Variants in MAP3K11 observed in about 807,000 individuals in gnomAD.
The protein encoded by MAP3K11 is mitogen-activated protein kinase kinase kinase 11.
In MAP3K11, 46 loss-of-function variants were observed where a neutral mutation model predicts 84.9. That is an observed-to-expected ratio of 0.54 (90% CI 0.43 to 0.69). The LOEUF (loss-of-function observed/expected upper bound fraction) is 0.69. Among genes scored for constraint, MAP3K11 ranks in the 30% least tolerant of loss-of-function variants. The pLI is 0.00. For synonymous variants in MAP3K11, 527 were observed against 514.7 expected, an observed-to-expected ratio of 1.02 and a Z score of -0.32; for missense variants, 1,053 against 1,198.3, an observed-to-expected ratio of 0.88 and a Z score of 1.79.
At position 65,613,391 on chromosome 11, in the gene MAP3K11, C is replaced by G. The variant is rs1938302769; in HGVS notation, c.366G>C (p.Val122=). The G allele has an allele frequency of 6.2e-7, 1 of 1,612,668 alleles. No individual in the cohort carries two copies. The highest frequency in any genetic ancestry group is 1.7e-5 in the Admixed American group (1 of 59,992). The change falls in exon 1 of 10, where the codon GTG becomes GTC. Residue 122 remains valine (V), a synonymous_variant. Transcript: ENST00000309100. ...CCTTGCCAAAGCCTCCAATGCCGAT[C>G]ACCTCCTCCAGCCGCAGCTCCTGGA... ...ASFQELRLEE[V]IGIGGFGKVY...
At chr11:65,608,130 GC>G (rs1337182954) in intron 2 of MAP3K11, 60 bp from the exon 3 acceptor site, 1 of 1,599,976 alleles carries the variant, frequency 6.3e-7, no homozygotes, top group African/African-American at 1.3e-5. Context: ...CCCCCTTACT[GC>G]CACTTCACCC....
In MAP3K11 at chr11:65,608,276, G is replaced by C. The variant is rs775906919; in HGVS notation, c.912C>G (p.Asp304Glu). 1 of 1,613,728 alleles carries C rather than the reference G, an allele frequency of 6.2e-7. No individual in the cohort carries two copies. ...CCCACCAAGGGCCGCACCTCCAGAC[G>C]TCACTGCCCTTAGAGAAGGTGGAGG... ...IKASTFSKGS[D>E]VWSFGVLLWE... The change falls in exon 2 of 10, where the codon GAC becomes GAG. Residue 304 changes from aspartate (D) to glutamate (E), a missense_variant. Asp to Glu is a conservative substitution (Grantham distance 45). This residue lies in a region of MAP3K11 where 310 missense variants were observed against 464.5 expected (regional missense o/e 0.67). Coordinates refer to ENST00000309100, the MANE Select transcript of MAP3K11 (RefSeq NM_002419.4).
chr11:65,605,865 G>A lies in MAP3K11; in HGVS notation c.1740-13C>T, dbSNP rs766611917. On this transcript the variant is annotated splice_polypyrimidine_tract_variant and intron_variant, in intron 7 of 9. Coordinates refer to ENST00000309100, the MANE Select transcript of MAP3K11 (RefSeq NM_002419.4). ...GCGGGACCTTCTCCTGGTGATGGGAGGGCAAGGAGGGGTGCTTTAGGAATT... is the reference window on the plus strand; with the variant it reads ...GCGGGACCTTCTCCTGGTGATGGGAAGGCAAGGAGGGGTGCTTTAGGAATT... 2.5e-6 allele frequency: 4 copies of A among 1,612,622 alleles called. No homozygotes were observed. Among genetic ancestry groups the A allele is most frequent in the Non-Finnish European group, 3.4e-6 (4 of 1,179,336 alleles).
intron 8 of MAP3K11, 141 bp downstream of exon 8, chr11:65,605,620 T>A: frequency 1.6e-6 from 1 of 614,472 alleles, no homozygotes; most frequent in Non-Finnish European, 2.8e-6. Flanking sequence ...CTCTGTCTTG[T>A]CTCAGCCTTG....
chr11:65,607,552 C>T, intron 4 of MAP3K11, 39 bp from the exon 5 acceptor site: 5 of 1,549,600 alleles, frequency 3.2e-6, no homozygotes, highest in Non-Finnish European at 3.5e-6. Flanking sequence ...GTCAGCCTGG[C>T]ACCAATCCCG....
At chr11:65,605,259 C>T (rs1440034918) in intron 8 of MAP3K11, among the ~76,000 whole-genome samples, 1 of 151,972 alleles carries the variant, frequency 6.6e-6, no homozygotes, top group Non-Finnish European at 1.5e-5. Context: ...GAGAATGGGT[C>T]CTGGATCCTG....
Position 65,598,603 on chromosome 11 carries a change from C to T in MAP3K11, c.2232G>A (p.Gly744=), listed in dbSNP as rs932394939. The change falls in exon 10 of 10, where the codon GGG becomes GGA. Residue 744 remains glycine (G), a synonymous_variant. Transcript: ENST00000309100. ...PRGGTVSPPP[G]TSRSAPGTPG... is the part of the protein sequence containing the mutation. Reference sequence around the variant, plus strand: ...GGGTGCCAGGAGCAGAGCGTGATGTCCCCGGTGGGGGTGAGACAGTGCCTC... The same window carrying T: ...GGGTGCCAGGAGCAGAGCGTGATGTTCCCGGTGGGGGTGAGACAGTGCCTC... 1 of 1,556,460 alleles carries T rather than the reference C, an allele frequency of 6.4e-7. No homozygotes were observed. Among genetic ancestry groups the T allele is most frequent in the Non-Finnish European group, 8.7e-7 (1 of 1,149,066 alleles).
chr11:65,604,717 G>A (rs1854488497), intron 8 of MAP3K11, among the ~76,000 whole-genome samples: 1 of 151,580 alleles, frequency 6.6e-6, no homozygotes, highest in African/African-American at 2.4e-5. Flanking sequence ...GAATGGAAGA[G>A]GCGATGGGCT....
intron 9 of MAP3K11, 72 bp from the exon 10 acceptor site, chr11:65,598,700 T>A (rs1854414444): frequency 1.5e-5 from 18 of 1,183,752 alleles, no homozygotes; most frequent in Non-Finnish European, 1.9e-5. Context: ...ACTGTCCTGC[T>A]CTGGGCCTCA....
In MAP3K11 at chr11:65,598,514, C is replaced by A. The variant is rs1448005729; in HGVS notation, c.2321G>T (p.Ser774Ile). The part of the protein sequence containing the change: ...ISRPRPSPLR[S>I]RIDPWSFVSA... ...CACAAAGCTCCAGGGATCAATGCGG[C>A]TGCGAAGGGGCGAGGGCCGAGGTCG... Residue 774 changes from serine to isoleucine, a missense_variant, in exon 10 of 10, where the codon AGC becomes ATC. Ser to Ile is a moderately radical substitution (Grantham distance 142). Transcript: ENST00000309100. 1.2e-6 allele frequency: 2 copies of A among 1,613,444 alleles called. No homozygotes were observed. Among genetic ancestry groups the A allele is most frequent in the Admixed American group, 3.3e-5 (2 of 59,948 alleles).
chr11:65,606,952 G>A (rs574705603), intron 5 of MAP3K11, 148 bp from the exon 6 acceptor site: 17 of 601,172 alleles, frequency 2.8e-5, no homozygotes, highest in Non-Finnish European at 4.3e-5. Context: ...CTGCTTTCTT[G>A]AGCCCCTGGG....
chr11:65,599,632 G>T lies in MAP3K11; in HGVS notation c.1968C>A (p.Gly656=). 6.5e-7 allele frequency: 1 copy of T among 1,540,786 alleles called. No homozygotes were observed. Among genetic ancestry groups the T allele is most frequent in the Non-Finnish European group, 8.7e-7 (1 of 1,148,004 alleles). Residue 656 remains glycine, a synonymous_variant, in exon 9 of 10, where the codon GGC becomes GGA. Transcript: ENST00000309100. ...LRGTALLASL[G]LGRDLQPPGG... ...CCGGCGGCTGCAGGTCGCGGCCAAGGCCCAGCGAGGCGAGCAGGGCGGTGC... is the reference window on the plus strand; with the variant it reads ...CCGGCGGCTGCAGGTCGCGGCCAAGTCCCAGCGAGGCGAGCAGGGCGGTGC...
At chr11:65,607,856 G>A (rs1245577952) in intron 3 of MAP3K11, 40 bp from the exon 4 acceptor site, 1 of 1,606,404 alleles carries the variant, frequency 6.2e-7, no homozygotes, top group Non-Finnish European at 8.5e-7. Flanking sequence ...ATAAGAAGGG[G>A]TCCGTGGGTG....
intron 1 of MAP3K11, chr11:65,612,394 C>G (rs1169454842): frequency 6.6e-6 from 1 of 152,324 alleles, no homozygotes; most frequent in East Asian, 1.9e-4. Context: ...ATCTCCATGG[C>G]TGAGGACCCG....
At chr11:65,604,753 A>C (rs1854489345) in intron 8 of MAP3K11, among the ~76,000 whole-genome samples, 1 of 152,162 alleles carries the variant, frequency 6.6e-6, no homozygotes, top group East Asian at 1.9e-4. Flanking sequence ...AGTGAGTTTA[A>C]ACGGCTTGCT....
Position 65,613,393 on chromosome 11 carries a change from C to A in MAP3K11, c.364G>T (p.Val122Leu). The A allele has an allele frequency of 6.2e-7, 1 of 1,612,772 alleles. No individual in the cohort carries two copies. Residue 122 changes from valine (V) to leucine (L), a missense_variant, in exon 1 of 10, where the codon GTG (valine) becomes TTG (leucine). By Grantham distance (32) the Val-to-Leu change is conservative. Coordinates refer to ENST00000309100, the MANE Select transcript of MAP3K11 (RefSeq NM_002419.4). ...ASFQELRLEE[V>L]IGIGGFGKVY... is the part of the protein sequence containing the mutation. The stretch of plus-strand genomic sequence containing the variant: ...TTGCCAAAGCCTCCAATGCCGATCA[C>A]CTCCTCCAGCCGCAGCTCCTGGAAG...
Position 65,599,562 on chromosome 11 carries a change from TG to T in MAP3K11, c.2037del (p.Thr680ArgfsTer267), listed in dbSNP as rs1554987893. The T allele has an allele frequency of 3.3e-6, 5 of 1,496,136 alleles. No individual in the cohort carries two copies. The highest frequency in any genetic ancestry group is 1.8e-6 in the Non-Finnish European group (2 of 1,131,364). The allele number at this position is 1,496,136 out of a possible 1,614,324, so 92.7% of individuals were successfully genotyped here. A position where few individuals can be genotyped will look rare whatever the true frequency, so the allele number is the denominator to read the frequency against. ...GTCGGGCAGGGCGCGGGCGTTGGCG[TG>T]GGGGGTGTTGTCGGGGACTCCCCGC... ...RERGESPTTPPTPTPAPCPTE... is the reference protein window; with the variant it reads ...RERGESPTTPXTPTPAPCPTE... On this transcript the variant is annotated frameshift_variant, in exon 9 of 10. Transcript: ENST00000309100. LOFTEE classifies it high-confidence loss of function.
In MAP3K11 at chr11:65,613,127, C is replaced by A. The variant is rs776649134; in HGVS notation, c.630G>T (p.Val210=). ...PLSRALAGRR[V]PPHVLVNWAV... Reference sequence around the variant, plus strand: ...CCCAGTTGACCAGCACATGGGGAGGCACGCGCCGCCCGGCCAGAGCTCGGC... The same window carrying A: ...CCCAGTTGACCAGCACATGGGGAGGAACGCGCCGCCCGGCCAGAGCTCGGC... Residue 210 remains valine (V), a synonymous_variant, in exon 1 of 10, where the codon GTG becomes GTT. Transcript: ENST00000309100. 1.3e-6 allele frequency: 2 copies of A among 1,588,014 alleles called. No homozygotes were observed. The highest frequency in any genetic ancestry group is 1.7e-5 in the Admixed American group (1 of 57,732).
intron 8 of MAP3K11, among the ~76,000 whole-genome samples, chr11:65,604,946 G>A (rs889559879): frequency 2.0e-5 from 3 of 152,108 alleles, no homozygotes; most frequent in Admixed American, 1.3e-4. Context: ...TCCCTGCAAT[G>A]CTGGAGCCCT....
Sources: gnomAD v4.1 joint callset for allele counts (sites outside exome capture counted in the v4.1 genomes callset) on GRCh38, gnomAD v4.1.1 for gene constraint, gnomAD v4.1.1 regional missense constraint, MANE v1.5 for transcripts, NCBI Gene and HGNC (gene_info 2026-07-23, HGNC 2026-07-21) for gene names.